Variants in CDC42BPB observed in about 807,000 individuals in gnomAD.
CDC42BPB encodes CDC42 binding protein kinase beta.
Under a neutral mutation model 214.9 loss-of-function variants are expected in CDC42BPB, and 37 were observed. The observed-to-expected ratio is 0.17, with a 90% CI of 0.13 to 0.23. The LOEUF is 0.23. Among genes scored for constraint, CDC42BPB ranks in the 10% least tolerant of loss-of-function variants. CDC42BPB has a pLI of 1.00. For missense variants in CDC42BPB, 1,694 were observed against 2,227.0 expected, an observed-to-expected ratio of 0.76 and a Z score of 4.82; for synonymous variants, 931 against 884.0, an observed-to-expected ratio of 1.05 and a Z score of -0.94.
intron 34 of CDC42BPB, among the ~76,000 whole-genome samples, chr14:102,939,087 C>T (rs1050638299): frequency 6.6e-6 from 1 of 152,150 alleles, no homozygotes; most frequent in Non-Finnish European, 1.5e-5. Context: ...CAGGCACCTG[C>T]CGCCACACCC....
Position 102,939,600 on chromosome 14 carries a change from G to C in CDC42BPB, c.4827+10C>G, listed in dbSNP as rs771520786. On this transcript the variant is annotated intron_variant, in intron 34 of 36. Coordinates refer to ENST00000361246, the MANE Select transcript of CDC42BPB (RefSeq NM_006035.4). ...GTGCCCTGCCCGCCCTATCCCGGCC[G>C]TGCACGCACCAGAGGCAGGTCCATG... is the stretch of plus-strand genomic sequence containing the variant. 6.2e-7 allele frequency: 1 copy of C among 1,600,756 alleles called. No homozygotes were observed. Among genetic ancestry groups the C allele is most frequent in the South Asian group, 1.1e-5 (1 of 90,852 alleles).
At chr14:102,953,576 G>A (rs139742094) in intron 23 of CDC42BPB, among the ~76,000 whole-genome samples, 1,754 of 152,302 alleles carry the variant, frequency 0.012, 18 homozygotes, top group Middle Eastern at 0.02. Context: ...TAGGCCACAG[G>A]GCTACGTACT....
At chr14:103,028,000 C>T (rs1424509481) in intron 1 of CDC42BPB, among the ~76,000 whole-genome samples, 5 of 152,078 alleles carry the variant, frequency 3.3e-5, no homozygotes, top group African/African-American at 9.7e-5. Context: ...CGTGGTGGTG[C>T]GCACCTGTAG....
intron 5 of CDC42BPB, among the ~76,000 whole-genome samples, chr14:102,998,955 G>A (rs1894863253): frequency 9.0e-6 from 1 of 110,616 alleles, no homozygotes; most frequent in African/African-American, 3.5e-5. Flanking sequence ...CGGGGCCCAC[G>A]TGAGCCCCAG....
intron 11 of CDC42BPB, among the ~76,000 whole-genome samples, chr14:102,975,067 CAG>C (rs1406533472): frequency 3.9e-5 from 6 of 152,318 alleles, no homozygotes; most frequent in African/African-American, 1.4e-4. Context: ...AAGGAGCAGG[CAG>C]AGTCACTGAT....
chr14:102,957,118 T>C (rs1012623378), intron 21 of CDC42BPB, among the ~76,000 whole-genome samples: 1 of 149,066 alleles, frequency 6.7e-6, no homozygotes, highest in Non-Finnish European at 1.5e-5. Context: ...CAAGAATTGC[T>C]TGAACCTGGG....
chr14:102,972,765 C>T (rs1450308304), intron 12 of CDC42BPB, among the ~76,000 whole-genome samples: 1 of 139,872 alleles, frequency 7.1e-6, no homozygotes, highest in Non-Finnish European at 1.5e-5. Flanking sequence ...CACATGGGGG[C>T]AGCGTGCTTA....
At chr14:102,954,460 T>A in intron 22 of CDC42BPB, 142 bp downstream of exon 22, 1 of 1,424,300 alleles carries the variant, frequency 7.0e-7, no homozygotes, top group Non-Finnish European at 9.3e-7. Context: ...CAGTTAATTC[T>A]CAAAATGAAA....
rs183642556 is a variant in CDC42BPB at position 103,026,305 on chromosome 14, C to T, written c.176-14117G>A. ...ACTCAGGAGACTGAGGCAGGAGAAT[C>T]GCGTGAACCTGGGAGGCAGAGGTTG... On this transcript the variant is annotated intron_variant, in intron 1 of 36. Coordinates refer to ENST00000361246, the MANE Select transcript of CDC42BPB (RefSeq NM_006035.4). Among the ~76,000 whole-genome samples, 539 of 151,008 alleles carry T rather than the reference C, an allele frequency of 3.6e-3. 2 individuals are homozygous for T. The highest frequency in any genetic ancestry group is 0.012 in the African/African-American group (503 of 41,118).
In CDC42BPB at chr14:103,010,769, C is replaced by T. The variant is rs547027222; in HGVS notation, c.267+1328G>A. ...AAACTTGGCCAGGCGCGGTGGCTCA[C>T]GCCTGTAATCCCAGCACTTTGGGAG... On this transcript the variant is annotated intron_variant, in intron 2 of 36. Coordinates refer to ENST00000361246, the MANE Select transcript of CDC42BPB (RefSeq NM_006035.4). Among the ~76,000 whole-genome samples the T allele has an allele frequency of 2.1e-3, 321 of 152,334 alleles. 1 individual carries two copies. Among genetic ancestry groups the T allele is most frequent in the African/African-American group, 6.8e-3 (283 of 41,566 alleles).
chr14:103,044,105 TCA>T (rs1227743088), intron 1 of CDC42BPB, among the ~76,000 whole-genome samples: 1 of 152,238 alleles, frequency 6.6e-6, no homozygotes, highest in Non-Finnish European at 1.5e-5. Flanking sequence ...ATATTTGAAT[TCA>T]GTTTCATTTT....
At chr14:102,949,046 C>T (rs1224100126) in intron 26 of CDC42BPB, among the ~76,000 whole-genome samples, 1 of 152,200 alleles carries the variant, frequency 6.6e-6, no homozygotes, top group Non-Finnish European at 1.5e-5. Flanking sequence ...GAGCCCAGAG[C>T]AGTCCCGTGT....
intron 26 of CDC42BPB, among the ~76,000 whole-genome samples, chr14:102,949,034 C>T (rs11628125): frequency 1.4e-3 from 218 of 152,314 alleles, no homozygotes; most frequent in Non-Finnish European, 2.4e-3. Context: ...CAGCCCCGGC[C>T]TGAGCCCAGA....
At chr14:103,045,251 T>C (rs897490631) in intron 1 of CDC42BPB, among the ~76,000 whole-genome samples, 1 of 152,190 alleles carries the variant, frequency 6.6e-6, no homozygotes, top group African/African-American at 2.4e-5. Context: ...TTTATGTTTT[T>C]AGAGAATGAT....
rs747272392 is a variant in CDC42BPB at position 102,943,901 on chromosome 14, A to C, written c.4398T>G (p.Pro1466=). 2 of 1,607,670 alleles carry C rather than the reference A, an allele frequency of 1.2e-6. No individual in the cohort carries two copies. Among genetic ancestry groups the C allele is most frequent in the South Asian group, 1.1e-5 (1 of 90,828 alleles). The part of the protein sequence containing the change: ...RAQELMWPAA[P]VACSCSPTHV... Reference sequence around the variant, plus strand: ...AAAACATATACATACTACAGGCGACAGGAGCCGCAGGCCACATGAGCTCCT... The same window carrying C: ...AAAACATATACATACTACAGGCGACCGGAGCCGCAGGCCACATGAGCTCCT... The change falls in exon 30 of 37, where the codon CCT becomes CCG. Residue 1466 remains proline, a synonymous_variant. Transcript: ENST00000361246. The surrounding 1 kb of genome is among the most constrained non-coding windows in gnomAD (Gnocchi z 4.6).
chr14:102,988,881 A>AC, intron 5 of CDC42BPB, among the ~76,000 whole-genome samples: 1 of 151,636 alleles, frequency 6.6e-6, no homozygotes, highest in Admixed American at 6.6e-5. Context: ...CAAAAAAAAA[A>AC]AAAAAACAAA....
chr14:102,994,140 C>T (rs770373334), intron 5 of CDC42BPB, among the ~76,000 whole-genome samples: 3 of 152,060 alleles, frequency 2.0e-5, no homozygotes, highest in Non-Finnish European at 4.4e-5. Flanking sequence ...AGGAATGCAA[C>T]GACCAGAGTC....
At chr14:102,983,283 C>T (rs377180233) in intron 7 of CDC42BPB, among the ~76,000 whole-genome samples, 248 of 152,264 alleles carry the variant, frequency 1.6e-3, no homozygotes, top group African/African-American at 5.5e-3. Context: ...TTGGAGCAGG[C>T]CAGCGTCCTT....
Position 102,938,520 on chromosome 14 carries a change from A to G in CDC42BPB, c.4828-109T>C, listed in dbSNP as rs1891743405. ...GTGGCCTCGTGACCTTGATGAGCAA[A>G]ATGGGGGCCAAGAGGGCTCTCTGGA... On this transcript the variant is annotated intron_variant, in intron 34 of 36. Transcript: ENST00000361246. The G allele has an allele frequency of 4.6e-5, 66 of 1,445,768 alleles. 3 individuals are homozygous for G. The South Asian group carries it at 9.6e-4, about 21-fold the overall frequency. 89.6% of individuals were successfully genotyped at this position (1,445,768 alleles called of 1,614,324 possible). A position where few individuals can be genotyped will look rare whatever the true frequency, so the allele number is the denominator to read the frequency against.
Sources: gnomAD v4.1 joint callset for allele counts (sites outside exome capture counted in the v4.1 genomes callset) on GRCh38, gnomAD v4.1.1 for gene constraint, Gnocchi (gnomAD v3.1) non-coding constraint, MANE v1.5 for transcripts, NCBI Gene and HGNC (gene_info 2026-07-23, HGNC 2026-07-21) for gene names.